Variants in NLGN3 observed in about 807,000 individuals in gnomAD.
The protein encoded by NLGN3 is neuroligin 3.
A neutral mutation model predicts 42.9 loss-of-function variants in NLGN3; 11 were observed. That is an observed-to-expected ratio of 0.26 (90% CI 0.16 to 0.42). The LOEUF (loss-of-function observed/expected upper bound fraction) is 0.42. Among genes scored for constraint, NLGN3 ranks in the 10% least tolerant of loss-of-function variants. The probability of loss-of-function intolerance (pLI) is 1.00; values close to 1 mark genes in which losing one functional copy is unlikely to be tolerated. For synonymous variants in NLGN3, 279 were observed against 312.7 expected, an observed-to-expected ratio of 0.89 and a Z score of 1.14; for missense variants, 374 against 733.8, an observed-to-expected ratio of 0.51 and a Z score of 5.67.
At chrX:71,173,622 A>G (rs1022761222), downstream of NLGN3, among the ~76,000 whole-genome samples, 1 of 112,673 alleles carries the variant, frequency 8.9e-6, no homozygotes, top group Admixed American at 9.4e-5. Flanking sequence ...CACAGCTATC[A>G]TATGATCTGA....
In NLGN3 at chrX:71,170,427, G is replaced by A. The variant is rs2092467903; in HGVS notation, c.*330G>A. The A allele has an allele frequency of 2.1e-6, 2 of 950,579 alleles. No individual in the cohort carries two copies. Among genetic ancestry groups the A allele is most frequent in the Middle Eastern group, 4.9e-4 (1 of 2,055 alleles). The allele number at this position is 950,579 out of a possible 1,213,427, so 78.3% of individuals were successfully genotyped here. A position where few individuals can be genotyped will look rare whatever the true frequency, so the allele number is the denominator to read the frequency against. ...ACAGACACTCCTGGGGGGCCTGAAA[G>A]CAACAGCTGGACACCCCCTTGGTGC... On this transcript the variant is annotated 3_prime_UTR_variant, in exon 8 of 8. Transcript: ENST00000358741.
rs1482552851 is a variant in NLGN3 at position 71,167,312 on chromosome X, C to G, written c.1215C>G (p.Val405=). The G allele has an allele frequency of 8.3e-7, 1 of 1,211,628 alleles. No individual in the cohort carries two copies. The highest frequency in any genetic ancestry group is 1.1e-6 in the Non-Finnish European group (1 of 895,414). Reference sequence around the variant, plus strand: ...TCAACTATGACATCATGCTAGGTGTCAACCAGGGCGAGGGTCTCAAGTTTG... The same window carrying G: ...TCAACTATGACATCATGCTAGGTGTGAACCAGGGCGAGGGTCTCAAGTTTG... ...EFLNYDIMLG[V]NQGEGLKFVE... The change falls in exon 7 of 8, where the codon GTC becomes GTG. Residue 405 remains valine, a synonymous_variant. Coordinates refer to ENST00000358741, the MANE Select transcript of NLGN3 (RefSeq NM_181303.2).
At chrX:71,146,172 GACACACACACACACACAC>G (rs1168453634) in intron 1 of NLGN3, among the ~76,000 whole-genome samples, 12 of 38,217 alleles carry the variant, frequency 3.1e-4, no homozygotes, top group East Asian at 9.6e-4. Flanking sequence ...CACACACACA[GACACACACACACACACAC>G]ACACACACAC....
At chrX:71,162,441 A>T (rs1269311931) in intron 5 of NLGN3, among the ~76,000 whole-genome samples, 1 of 111,231 alleles carries the variant, frequency 9.0e-6, no homozygotes, top group East Asian at 2.8e-4. Flanking sequence ...AGTTTTTAAG[A>T]CTCAAAGGAG....
At chrX:71,165,373 C>T (rs1041756768) in intron 6 of NLGN3, among the ~76,000 whole-genome samples, 4 of 111,646 alleles carry the variant, frequency 3.6e-5, no homozygotes, top group Admixed American at 1.9e-4. Context: ...CAAAGGAGGG[C>T]GAAATGACGG....
chrX:71,168,019 G>A (rs775292621), intron 7 of NLGN3, among the ~76,000 whole-genome samples: 1 of 110,734 alleles, frequency 9.0e-6, no homozygotes, highest in South Asian at 3.8e-4. Context: ...AGTTAGCATC[G>A]GGACTAGGAA....
Position 71,147,787 on chromosome X carries a change from G to A in NLGN3, c.38G>A (p.Ser13Asn), listed in dbSNP as rs2092376058. The change falls in exon 2 of 8, where the codon AGC becomes AAC. Residue 13 changes from serine to asparagine, a missense_variant. By Grantham distance (46) the Ser-to-Asn change is conservative. Coordinates refer to ENST00000358741, the MANE Select transcript of NLGN3 (RefSeq NM_181303.2). ...LRLGPPSLSL[S>N]PKPTVGRSLC... is the part of the protein sequence containing the mutation. Reference sequence around the variant, plus strand: ...CTTGGCCCGCCCTCGCTGTCCCTGAGCCCCAAGCCCACGGTTGGCAGGAGC... The same window carrying A: ...CTTGGCCCGCCCTCGCTGTCCCTGAACCCCAAGCCCACGGTTGGCAGGAGC... The A allele has an allele frequency of 8.3e-7, 1 of 1,209,884 alleles. No individual in the cohort carries two copies. Among genetic ancestry groups the A allele is most frequent in the Non-Finnish European group, 1.1e-6 (1 of 894,954 alleles).
At chrX:71,149,815 T>C (rs1433094231) in intron 3 of NLGN3, among the ~76,000 whole-genome samples, 3 of 111,016 alleles carry the variant, frequency 2.7e-5, no homozygotes, top group African/African-American at 3.3e-5. Context: ...CATCTGCTCA[T>C]TCCCATCTCC....
At position 71,153,562 on chromosome X, in the gene NLGN3, G is replaced by A. The variant is rs753277797; in HGVS notation, c.577+26G>A. The A allele has an allele frequency of 8.5e-6, 10 of 1,175,419 alleles. No individual in the cohort carries two copies. In the East Asian group the frequency reaches 1.2e-4, roughly 14 times the overall value. On this transcript the variant is annotated intron_variant, in intron 4 of 7. Transcript: ENST00000358741. ...GTATTTGGGGGCTGCAGGGCGCGGC[G>A]GCTGGTGCATGGCACAGAGCCCCTC...
At chrX:71,145,677 C>T (rs1375127217) in intron 1 of NLGN3, among the ~76,000 whole-genome samples, 1 of 107,957 alleles carries the variant, frequency 9.3e-6, no homozygotes, top group Non-Finnish European at 1.9e-5. Flanking sequence ...TAGGTGTTCA[C>T]GGGGGAGGGG....
At chrX:71,163,087 T>C (rs987666218) in intron 5 of NLGN3, among the ~76,000 whole-genome samples, 2 of 110,542 alleles carry the variant, frequency 1.8e-5, no homozygotes, top group African/African-American at 6.6e-5. Flanking sequence ...ATAGGACATC[T>C]CTGTGGGATA....
chrX:71,145,135 C>CT (rs111791344), intron 1 of NLGN3, among the ~76,000 whole-genome samples, 171 bp downstream of exon 1: 1 of 101,101 alleles, frequency 9.9e-6, no homozygotes, highest in Non-Finnish European at 2.0e-5. Context: ...CTTCTGTTCT[C>CT]CCTTCTACCT....
intron 7 of NLGN3, among the ~76,000 whole-genome samples, chrX:71,168,861 GAAAGAAAGAGAAAGA>G (rs1248341344): frequency 2.3e-5 from 2 of 86,420 alleles, no homozygotes; most frequent in African/African-American, 6.1e-5. Context: ...AAGAAAGAAA[GAAAGAAAGAGAAAGA>G]AAAGAAAGAG....
At chrX:71,168,843 A>AAGAAAG (rs1293155705) in intron 7 of NLGN3, among the ~76,000 whole-genome samples, 1 of 89,329 alleles carries the variant, frequency 1.1e-5, no homozygotes, top group South Asian at 4.5e-4. Context: ...GAAAGAAAGA[A>AAGAAAG]AGAAAGAAAG....
chrX:71,148,325 T>TA (rs1234596417), intron 2 of NLGN3, 119 bp downstream of exon 2: 3 of 582,254 alleles, frequency 5.2e-6, no homozygotes, highest in Non-Finnish European at 8.7e-6. Flanking sequence ...AAAATGCTTC[T>TA]AACCATCACT....
Position 71,170,386 on chromosome X carries a change from C to A in NLGN3, c.*289C>A. The A allele has an allele frequency of 2.0e-6, 2 of 986,694 alleles. No homozygotes were observed. The highest frequency in any genetic ancestry group is 2.6e-6 in the Non-Finnish European group (2 of 778,195). The allele number at this position is 986,694 out of a possible 1,213,427, so 81.3% of individuals were successfully genotyped here. ...CCCATGAAACAGCAGCTGAAGCCAG[C>A]TCCCTGAATCTGACCACAGACACTC... is the stretch of plus-strand genomic sequence containing the variant. On this transcript the variant is annotated 3_prime_UTR_variant, in exon 8 of 8. Transcript: ENST00000358741.
intron 6 of NLGN3, among the ~76,000 whole-genome samples, chrX:71,166,468 AAAAAC>A (rs1193908676): frequency 9.0e-6 from 1 of 111,095 alleles, no homozygotes; most frequent in Non-Finnish European, 1.9e-5. Context: ...AAAAAAAAAA[AAAAAC>A]AAAGTATCAG....
intron 7 of NLGN3, among the ~76,000 whole-genome samples, chrX:71,168,123 T>C (rs1167777366): frequency 1.8e-5 from 2 of 110,349 alleles, no homozygotes; most frequent in East Asian, 5.7e-4. Context: ...GGCAGGCAGA[T>C]CACTTGAGCC....
chrX:71,150,546 CA>C (rs1164511178), intron 3 of NLGN3, among the ~76,000 whole-genome samples: 8 of 109,243 alleles, frequency 7.3e-5, no homozygotes, highest in Non-Finnish European at 1.3e-4. Context: ...CTAAAAAATA[CA>C]AAAAATTAGC....
Sources: gnomAD v4.1 joint callset for allele counts (sites outside exome capture counted in the v4.1 genomes callset) on GRCh38, gnomAD v4.1.1 for gene constraint, MANE v1.5 for transcripts, NCBI Gene and HGNC (gene_info 2026-07-23, HGNC 2026-07-21) for gene names.